Variants in SCAI observed in about 807,000 individuals in gnomAD.
SCAI encodes protein SCAI.
A neutral mutation model predicts 92.2 loss-of-function variants in SCAI; 24 were observed. The ratio of observed to expected loss-of-function variants is 0.26; its 90% CI spans 0.19 to 0.37. The LOEUF is 0.37. Among genes scored for constraint, SCAI ranks in the 10% least tolerant of loss-of-function variants. The probability of loss-of-function intolerance (pLI) is 1.00; values close to 1 mark genes in which losing one functional copy is unlikely to be tolerated. For missense variants in SCAI, 450 were observed against 736.2 expected (o/e 0.61, Z 4.50); for synonymous variants, 261 against 258.6 (o/e 1.01, Z -0.09).
intron 2 of SCAI, among the ~76,000 whole-genome samples, chr9:125,115,284 A>C (rs1835016874): frequency 6.8e-6 from 1 of 147,566 alleles, no homozygotes; most frequent in African/African-American, 2.5e-5. Context: ...AGGCAGGAGA[A>C]TGACATGAAC....
intron 12 of SCAI, among the ~76,000 whole-genome samples, chr9:125,001,645 A>C (rs1832364141): frequency 6.6e-6 from 1 of 152,226 alleles, no homozygotes; most frequent in Admixed American, 6.5e-5. Flanking sequence ...TTATTCCATC[A>C]TCCTTTTCAA....
At chr9:124,957,568 C>T (rs1329162772) in intron 17 of SCAI, among the ~76,000 whole-genome samples, 1 of 141,114 alleles carries the variant, frequency 7.1e-6, no homozygotes, top group South Asian at 2.2e-4. Context: ...GATGAGGTTT[C>T]ACCACCTTGG....
In SCAI at chr9:125,004,779, A is replaced by ATTTTT. The variant is rs869167558; in HGVS notation, c.862-1214_862-1210dup. ...TATATATATATATATATATATATAT[A>ATTTTT]TTTTTTTTTTTTTTTTTTTTTTTTT... is the stretch of plus-strand genomic sequence containing the variant. On this transcript the variant is annotated intron_variant, in intron 9 of 17. Coordinates refer to ENST00000336505, the MANE Select transcript of SCAI (RefSeq NM_001144877.3). Among the ~76,000 whole-genome samples, 9 of 13,168 alleles carry ATTTTT rather than the reference A, an allele frequency of 6.8e-4. 1 individual carries two copies. Among genetic ancestry groups the ATTTTT allele is most frequent in the East Asian group, 5.9e-3 (2 of 340 alleles). 8.6% of individuals were successfully genotyped at this position (13,168 alleles called of 152,430 possible).
At chr9:125,015,112 G>A (rs955091891) in intron 9 of SCAI, among the ~76,000 whole-genome samples, 22 of 152,200 alleles carry the variant, frequency 1.4e-4, no homozygotes, top group Middle Eastern at 3.4e-3. Context: ...CATTCAGTAC[G>A]TAGGCATGGG....
chr9:125,070,022 T>C (rs1833949742), intron 2 of SCAI, among the ~76,000 whole-genome samples: 1 of 152,194 alleles, frequency 6.6e-6, no homozygotes, highest in Non-Finnish European at 1.5e-5. Context: ...AAAAATGGAA[T>C]ATTAATAATA....
intron 2 of SCAI, among the ~76,000 whole-genome samples, chr9:125,103,194 C>T (rs1247281535): frequency 6.6e-6 from 1 of 152,200 alleles, no homozygotes; most frequent in Non-Finnish European, 1.5e-5. Flanking sequence ...AGCAATCTCT[C>T]TCTTGAATCC....
In SCAI at chr9:125,068,500, AAAC is replaced by A. The variant is rs202085048; in HGVS notation, c.99-12496_99-12494del. 1.5e-4 allele frequency among the ~76,000 whole-genome samples: 23 copies of A among 151,934 alleles called. No individual in the cohort carries two copies. The South Asian group carries it at 2.5e-3, about 16-fold the overall frequency. On this transcript the variant is annotated intron_variant, in intron 2 of 17. Coordinates refer to ENST00000336505, the MANE Select transcript of SCAI (RefSeq NM_001144877.3). ...CTGACAGAGTGAGATCCTGTCTGAA[AAAC>A]AACAACAACAACAAAAAAATACAAC...
chr9:125,079,293 G>T (rs1270178466), intron 2 of SCAI, among the ~76,000 whole-genome samples: 1 of 152,092 alleles, frequency 6.6e-6, no homozygotes, highest in African/African-American at 2.4e-5. Flanking sequence ...ATCATTATTT[G>T]GGGTTATGTA....
chr9:125,076,683 C>A (rs1048538509), intron 2 of SCAI, among the ~76,000 whole-genome samples: 17 of 152,004 alleles, frequency 1.1e-4, no homozygotes, highest in Non-Finnish European at 2.9e-5. Context: ...TGGCCAACAT[C>A]ATGGCGAAAC....
At chr9:124,980,463 T>G (rs1831862178) in intron 14 of SCAI, among the ~76,000 whole-genome samples, 1 of 152,120 alleles carries the variant, frequency 6.6e-6, no homozygotes. Context: ...GCAGAACTGA[T>G]AAAGAGTGGC....
At chr9:125,060,012 C>T (rs1833741680) in intron 2 of SCAI, among the ~76,000 whole-genome samples, 1 of 152,180 alleles carries the variant, frequency 6.6e-6, no homozygotes, top group African/African-American at 2.4e-5. Flanking sequence ...AAATCTAAAT[C>T]TTTCCCTGGC....
rs1030146124 is a variant in SCAI at position 125,040,608 on chromosome 9, A to G, written c.231-10869T>C. 1.3e-5 allele frequency among the ~76,000 whole-genome samples: 2 copies of G among 151,778 alleles called. 1 individual carries two copies. Among genetic ancestry groups the G allele is most frequent in the East Asian group, 3.9e-4 (2 of 5,130 alleles). ...CCTGATGAACATTTATATTCTTTCT[A>G]CTTTTTCCCTGTTTTGTTTATTTAT... On this transcript the variant is annotated intron_variant, in intron 3 of 17. Coordinates refer to ENST00000336505, the MANE Select transcript of SCAI (RefSeq NM_001144877.3).
chr9:125,042,858 C>G (rs28572692), intron 3 of SCAI, among the ~76,000 whole-genome samples: 1,001 of 51,040 alleles, frequency 0.02, 52 homozygotes, highest in Admixed American at 0.15. Flanking sequence ...TGCTCCCTGG[C>G]TTTTTTTTTT....
intron 2 of SCAI, among the ~76,000 whole-genome samples, chr9:125,079,870 T>C (rs1324867056): frequency 6.6e-6 from 1 of 152,208 alleles, no homozygotes; most frequent in African/African-American, 2.4e-5. Context: ...AAGCAGGAAT[T>C]AGACCCCAAA....
chr9:125,023,544 C>T (rs192558848), intron 6 of SCAI, among the ~76,000 whole-genome samples: 16 of 152,118 alleles, frequency 1.1e-4, no homozygotes, highest in Admixed American at 7.9e-4. Flanking sequence ...GAATCTGTAT[C>T]ATGGATTATA....
intron 9 of SCAI, chr9:125,003,839 T>A: frequency 2.7e-6 from 1 of 370,856 alleles, no homozygotes; most frequent in Non-Finnish European, 4.9e-6. Context: ...ACATGTTTAC[T>A]AATCAATAAA....
intron 13 of SCAI, 54 bp from the exon 14 acceptor site, chr9:124,995,069 T>C: frequency 7.4e-7 from 1 of 1,352,410 alleles, no homozygotes; most frequent in Non-Finnish European, 1.0e-6. Flanking sequence ...ATCTCAGAAA[T>C]CTTATTCTTC....
chr9:125,108,565 C>CT (rs1834861964), intron 2 of SCAI, among the ~76,000 whole-genome samples: 1 of 141,918 alleles, frequency 7.0e-6, no homozygotes, highest in Non-Finnish European at 1.6e-5. Flanking sequence ...CCAGCCGCCC[C>CT]GTCTGAGAAG....
At chr9:124,968,776 C>A in intron 17 of SCAI, 2 of 912,670 alleles carry the variant, frequency 2.2e-6, no homozygotes, top group Non-Finnish European at 3.6e-6. Context: ...TGGTGGGGTG[C>A]GCAGGCCACG....
Sources: allele counts gnomAD v4.1 joint callset (sites outside exome capture counted in the v4.1 genomes callset), GRCh38; gene constraint gnomAD v4.1.1; transcripts MANE v1.5; gene names NCBI Gene and HGNC (gene_info 2026-07-23, HGNC 2026-07-21).